CACNA1H: variants seen among roughly 807,000 people sequenced by gnomAD.
CACNA1H encodes voltage-dependent T-type calcium channel subunit alpha-1H.
In CACNA1H, 149 loss-of-function variants were observed where a neutral mutation model predicts 192.5. The ratio of observed to expected loss-of-function variants is 0.77; its 90% CI spans 0.68 to 0.89. The LOEUF (loss-of-function observed/expected upper bound fraction) is 0.89, where lower values mean the gene tolerates loss of function less well. CACNA1H is among the 40% of genes least tolerant of loss of function. CACNA1H has a pLI of 0.00. For missense variants in CACNA1H, 4,257 were observed against 3,423.5 expected (o/e 1.24, Z -6.08); for synonymous variants, 2,202 against 1,475.2 (o/e 1.49, Z -11.29).
Position 1,202,020 on chromosome 16 carries a change from C to T in CACNA1H, c.1570C>T (p.His524Tyr). ...VHHLVYHHHH[H>Y]HHHHYHFSHG... is the part of the protein sequence containing the mutation. ...CCACCTGGTCTACCACCACCATCAC[C>T]ACCACCACCACCACTACCATTTCAG... Residue 524 changes from histidine (H) to tyrosine (Y), a missense_variant, in exon 9 of 35, where the codon CAC becomes TAC. Physicochemically the swap from His to Tyr is moderately conservative, Grantham distance 83. Transcript: ENST00000348261. 2.0e-6 allele frequency: 3 copies of T among 1,537,398 alleles called. No homozygotes were observed. The highest frequency in any genetic ancestry group is 2.6e-6 in the Non-Finnish European group (3 of 1,143,894).
In CACNA1H at chr16:1,201,959, C is replaced by G; in HGVS notation, c.1509C>G (p.Arg503=). 2 of 1,545,734 alleles carry G rather than the reference C, an allele frequency of 1.3e-6. No homozygotes were observed. Among genetic ancestry groups the G allele is most frequent in the Non-Finnish European group, 1.7e-6 (2 of 1,144,766 alleles). The change falls in exon 9 of 35, where the codon CGC becomes CGG. Residue 503 remains arginine (R), a synonymous_variant. Transcript: ENST00000348261. ...TGCAAGGCCAGGGTCCCGGGCACCGCCAGCGCCGGGCAGGCAGGCACACAG... is the reference window on the plus strand; with the variant it reads ...TGCAAGGCCAGGGTCCCGGGCACCGGCAGCGCCGGGCAGGCAGGCACACAG... The part of the protein sequence containing the change: ...SAVQGQGPGH[R]QRRAGRHTAS...
chr16:1,188,105 G>T (rs1028420568), intron 2 of CACNA1H, among the ~76,000 whole-genome samples: 2 of 152,246 alleles, frequency 1.3e-5, no homozygotes, highest in Non-Finnish European at 2.9e-5. Flanking sequence ...GGAGGCACAG[G>T]TGGAGGTAGA....
chr16:1,166,342 A>G (rs115734387), intron 2 of CACNA1H, among the ~76,000 whole-genome samples: 2,572 of 152,282 alleles, frequency 0.017, 82 homozygotes, highest in African/African-American at 0.059. Flanking sequence ...CTCCAGGCCA[A>G]GTAACGGTGC....
intron 2 of CACNA1H, among the ~76,000 whole-genome samples, chr16:1,183,072 C>G (rs1357791862): frequency 6.7e-6 from 1 of 148,826 alleles, no homozygotes; most frequent in Non-Finnish European, 1.5e-5. Flanking sequence ...CTCTGTGACC[C>G]GACACCCCCA....
chr16:1,170,935 G>A (rs1399386781), intron 2 of CACNA1H, among the ~76,000 whole-genome samples: 3 of 152,150 alleles, frequency 2.0e-5, no homozygotes, highest in African/African-American at 7.2e-5. Flanking sequence ...GGGTTGGGGT[G>A]CCTGGTCTGG....
At chr16:1,168,582 T>A (rs1440118756) in intron 2 of CACNA1H, among the ~76,000 whole-genome samples, 1 of 151,666 alleles carries the variant, frequency 6.6e-6, no homozygotes, top group Admixed American at 6.6e-5. Flanking sequence ...GGGGTCGTGG[T>A]GGGGAGGTTG....
chr16:1,211,660 G>A (rs2141349482), intron 23 of CACNA1H, 54 bp downstream of exon 23: 1 of 1,610,272 alleles, frequency 6.2e-7, no homozygotes, highest in Non-Finnish European at 8.5e-7. Flanking sequence ...CCTGGAGCGA[G>A]AGGGCCGGCG....
chr16:1,156,205 A>G (rs987943215), intron 2 of CACNA1H, among the ~76,000 whole-genome samples: 2 of 152,102 alleles, frequency 1.3e-5, no homozygotes, highest in African/African-American at 4.8e-5. Flanking sequence ...CTCCAAACGC[A>G]GTGATGGGGG....
At chr16:1,207,710 G>A in intron 14 of CACNA1H, 60 bp from the exon 15 acceptor site, 2 of 1,430,376 alleles carry the variant, frequency 1.4e-6, no homozygotes, top group Middle Eastern at 1.7e-4. Flanking sequence ...CTTCTGTCCG[G>A]CATGAAGGGT....
chr16:1,209,457 T>C (rs2141330558), intron 17 of CACNA1H, 45 bp downstream of exon 17: 1 of 1,583,150 alleles, frequency 6.3e-7, no homozygotes, highest in African/African-American at 1.4e-5. Flanking sequence ...CCTTCGTCTG[T>C]CTGGGGCAGG....
chr16:1,200,020 A>G (rs1008356713), intron 6 of CACNA1H, among the ~76,000 whole-genome samples: 2 of 152,020 alleles, frequency 1.3e-5, no homozygotes, highest in Non-Finnish European at 2.9e-5. Context: ...TGGTTTCTGC[A>G]GCACCACTGT....
intron 2 of CACNA1H, among the ~76,000 whole-genome samples, chr16:1,177,019 C>T (rs984243818): frequency 2.0e-5 from 3 of 152,160 alleles, no homozygotes; most frequent in East Asian, 3.9e-4. Flanking sequence ...GCCTCACTCC[C>T]TCCCCCCAGG....
chr16:1,213,076 C>T (rs1435737105), intron 26 of CACNA1H, among the ~76,000 whole-genome samples: 6 of 152,218 alleles, frequency 3.9e-5, no homozygotes, highest in African/African-American at 1.2e-4. Flanking sequence ...GGAGGCTGAG[C>T]ATTCAGTGCA....
At chr16:1,163,356 G>C (rs569508082) in intron 2 of CACNA1H, among the ~76,000 whole-genome samples, 2 of 152,346 alleles carry the variant, frequency 1.3e-5, no homozygotes, top group African/African-American at 4.8e-5. Context: ...GGAGCTACGA[G>C]TCTCCCCATG....
At chr16:1,154,401 C>G (rs1962016189) in intron 2 of CACNA1H, among the ~76,000 whole-genome samples, 4 of 152,106 alleles carry the variant, frequency 2.6e-5, no homozygotes, top group African/African-American at 7.2e-5. Context: ...TTCCCCCTTG[C>G]CCACCCCTCA....
In CACNA1H at chr16:1,210,342, CACCTCTCACCCGCCCCCGCCCA is replaced by C; in HGVS notation, c.3846-27_3846-6del. 3 of 999,082 alleles carry C rather than the reference CACCTCTCACCCGCCCCCGCCCA, an allele frequency of 3.0e-6. No homozygotes were observed. Among genetic ancestry groups the C allele is most frequent in the Admixed American group, 2.3e-5 (1 of 42,928 alleles). 61.9% of individuals were successfully genotyped at this position (999,082 alleles called of 1,614,324 possible). A position where few individuals can be genotyped will look rare whatever the true frequency, so the allele number is the denominator to read the frequency against. The stretch of plus-strand genomic sequence containing the variant: ...CTCTGCCATCCACGCCGCCCCGCCC[CACCTCTCACCCGCCCCCGCCCA>C]CCCAGGTTCCGCGTCTCCTGCCAGA... On this transcript the variant is annotated splice_polypyrimidine_tract_variant and splice_region_variant and intron_variant, in intron 18 of 34. Transcript: ENST00000348261.
intron 2 of CACNA1H, among the ~76,000 whole-genome samples, chr16:1,182,119 CAG>C (rs1308874667): frequency 6.6e-6 from 1 of 152,186 alleles, no homozygotes; most frequent in Non-Finnish European, 1.5e-5. Flanking sequence ...CGGGCTGTGG[CAG>C]GGGCAGGAGC....
chr16:1,219,999 T>G lies in CACNA1H; in HGVS notation c.6067T>G (p.Ser2023Ala). 1 of 1,345,950 alleles carries G rather than the reference T, an allele frequency of 7.4e-7. No individual in the cohort carries two copies. Among genetic ancestry groups the G allele is most frequent in the Non-Finnish European group, 9.6e-7 (1 of 1,045,274 alleles). The allele number at this position is 1,345,950 out of a possible 1,614,324, so 83.4% of individuals were successfully genotyped here. A position where few individuals can be genotyped will look rare whatever the true frequency, so the allele number is the denominator to read the frequency against. The change falls in exon 35 of 35, where the codon TCC (serine) becomes GCC (alanine). Residue 2023 changes from serine to alanine, a missense_variant. Ser to Ala is a moderately conservative substitution (Grantham distance 99). Transcript: ENST00000348261. ...CCCACAGGAGGCTGTGCACACCGAT[T>G]CCTTGGAAGGGAAGATTGACAGCCC... ...LCRQEAVHTD[S>A]LEGKIDSPRD...
intron 2 of CACNA1H, among the ~76,000 whole-genome samples, chr16:1,161,516 C>G (rs1040610619): frequency 8.5e-5 from 13 of 152,314 alleles, no homozygotes; most frequent in Non-Finnish European, 1.6e-4. Flanking sequence ...AAAGACTCAG[C>G]CTCAACTGGG....
Sources: allele counts gnomAD v4.1 joint callset (sites outside exome capture counted in the v4.1 genomes callset), GRCh38; gene constraint gnomAD v4.1.1; transcripts MANE v1.5; gene names NCBI Gene and HGNC (gene_info 2026-07-23, HGNC 2026-07-21).